Variants in PXDNL observed in about 807,000 individuals in gnomAD.
PXDNL encodes probable oxidoreductase PXDNL.
Under a neutral mutation model 150.8 loss-of-function variants are expected in PXDNL, and 145 were observed. The ratio of observed to expected loss-of-function variants is 0.96; its 90% CI spans 0.84 to 1.10. PXDNL has a LOEUF of 1.10. Ranked by LOEUF, PXDNL falls within the 50% of genes least tolerant of loss-of-function variation. PXDNL has a pLI of 0.00. For missense variants in PXDNL, 2,087 were observed against 1,873.9 expected, an observed-to-expected ratio of 1.11 and a Z score of -2.10; for synonymous variants, 757 against 725.7, an observed-to-expected ratio of 1.04 and a Z score of -0.69.
chr8:51,601,169 T>G (rs1813712891), intron 2 of PXDNL, among the ~76,000 whole-genome samples: 1 of 151,702 alleles, frequency 6.6e-6, no homozygotes, highest in Non-Finnish European at 1.5e-5. Flanking sequence ...GTATGCTCCA[T>G]GTGCAGGTGA....
intron 5 of PXDNL, among the ~76,000 whole-genome samples, chr8:51,484,840 A>T (rs569580434): frequency 1.3e-5 from 2 of 152,322 alleles, no homozygotes; most frequent in Admixed American, 1.3e-4. Context: ...TATGACCAAG[A>T]AAAGCACCAG....
intron 1 of PXDNL, among the ~76,000 whole-genome samples, chr8:51,692,106 C>T (rs941340070): frequency 6.6e-6 from 1 of 152,182 alleles, no homozygotes; most frequent in Non-Finnish European, 1.5e-5. Flanking sequence ...TTACCTAGGC[C>T]ACCCTGTAAA....
intron 5 of PXDNL, among the ~76,000 whole-genome samples, chr8:51,489,561 T>G (rs1419448649): frequency 1.3e-5 from 2 of 152,180 alleles, no homozygotes; most frequent in African/African-American, 4.8e-5. Flanking sequence ...CAAGCAATCC[T>G]CCCACTTCAG....
At chr8:51,567,709 T>A (rs2130581317) in intron 3 of PXDNL, among the ~76,000 whole-genome samples, 2 of 151,856 alleles carry the variant, frequency 1.3e-5, no homozygotes, top group South Asian at 4.1e-4. Context: ...AGTATAGTCA[T>A]CCTTCAGTAT....
intron 17 of PXDNL, among the ~76,000 whole-genome samples, chr8:51,381,945 T>TTTA (rs534458604): frequency 0.011 from 1,644 of 152,148 alleles, 34 homozygotes; most frequent in African/African-American, 0.037. Context: ...AGTGAATTTT[T>TTTA]TTATTATTAT....
At chr8:51,656,616 A>G (rs1815154619) in intron 1 of PXDNL, among the ~76,000 whole-genome samples, 1 of 152,224 alleles carries the variant, frequency 6.6e-6, no homozygotes, top group Non-Finnish European at 1.5e-5. Context: ...TACAACAAGG[A>G]AGCAAATATA....
intron 1 of PXDNL, among the ~76,000 whole-genome samples, chr8:51,740,866 A>G (rs1462567803): frequency 7.2e-5 from 11 of 152,104 alleles, no homozygotes; most frequent in Admixed American, 7.2e-4. Flanking sequence ...GTTTGCCAGT[A>G]TTTTACTGAA....
intron 2 of PXDNL, among the ~76,000 whole-genome samples, chr8:51,617,781 G>C (rs1287585915): frequency 6.6e-6 from 1 of 152,168 alleles, no homozygotes; most frequent in Admixed American, 6.5e-5. Flanking sequence ...ATGACATATT[G>C]GTTTAAGAGA....
In PXDNL at chr8:51,775,928, G is replaced by A. The variant is rs530897464; in HGVS notation, c.164+33253C>T. 4.7e-4 allele frequency among the ~76,000 whole-genome samples: 71 copies of A among 152,272 alleles called. 1 individual carries two copies. The highest frequency in any genetic ancestry group is 2.2e-3 in the Admixed American group (33 of 15,298). On this transcript the variant is annotated intron_variant, in intron 1 of 22. Coordinates refer to ENST00000356297, the MANE Select transcript of PXDNL (RefSeq NM_144651.5). ...TTCAAAAGCAAATAGGAGAAATATC[G>A]CTGAATTCTTTTTCTCAGCAAGGAA...
Position 51,745,758 on chromosome 8 carries a change from A to AC in PXDNL, c.164+63422_164+63423insG, listed in dbSNP as rs1554511910. On this transcript the variant is annotated intron_variant, in intron 1 of 22. Transcript: ENST00000356297. ...ATGAGAGGAATTCTCCACCACTACC[A>AC]TTTTTTTTTTTTTTTTTAGATGTAG... 1.0e-3 allele frequency among the ~76,000 whole-genome samples: 144 copies of AC among 139,196 alleles called. 1 individual carries two copies. The highest frequency in any genetic ancestry group is 7.4e-3 in the Middle Eastern group (2 of 270). 91.3% of individuals were successfully genotyped at this position (139,196 alleles called of 152,430 possible).
Position 51,409,168 on chromosome 8 carries a change from G to A in PXDNL, c.2456C>T (p.Pro819Leu). The change falls in exon 17 of 23, where the codon CCT becomes CTT. Residue 819 changes from proline (P) to leucine (L), a missense_variant. Transcript: ENST00000356297. ...FLEHDLDHTV[P>L]ALSTARFSDG... is the part of the protein sequence containing the mutation. ...CGAGAAGCGGGCTGTGCTCAGCGCA[G>A]GCACTGTGTGGTCCAAGTCGTGCTC... The A allele has an allele frequency of 6.3e-7, 1 of 1,599,540 alleles. No homozygotes were observed. The highest frequency in any genetic ancestry group is 8.5e-7 in the Non-Finnish European group (1 of 1,177,000).
intron 1 of PXDNL, among the ~76,000 whole-genome samples, chr8:51,749,536 G>T (rs4626584): frequency 0.81 from 122,726 of 151,698 alleles, 49,722 homozygotes; most frequent in East Asian, 0.88. Flanking sequence ...GATTAAAAAC[G>T]GTCCGCCTGC....
At chr8:51,377,641 G>A (rs546794068) in intron 17 of PXDNL, among the ~76,000 whole-genome samples, 5 of 152,242 alleles carry the variant, frequency 3.3e-5, no homozygotes, top group Admixed American at 6.5e-5. Context: ...GTCCCAGGCA[G>A]TGAGGGGCTT....
chr8:51,331,077 G>C (rs1317458053), intron 21 of PXDNL, among the ~76,000 whole-genome samples: 1 of 152,104 alleles, frequency 6.6e-6, no homozygotes, highest in African/African-American at 2.4e-5. Context: ...CAGCAATCCC[G>C]AGAGGATCCA....
intron 1 of PXDNL, among the ~76,000 whole-genome samples, chr8:51,744,119 A>AGG (rs1554511688): frequency 2.8e-5 from 1 of 35,988 alleles, no homozygotes; most frequent in African/African-American, 5.7e-5. Flanking sequence ...AGAAAGAAAG[A>AGG]AAGGAAGAAA....
At chr8:51,592,253 T>A (rs1022772763) in intron 3 of PXDNL, among the ~76,000 whole-genome samples, 1 of 152,210 alleles carries the variant, frequency 6.6e-6, no homozygotes, top group Non-Finnish European at 1.5e-5. Context: ...CTTGGATAGA[T>A]ACTCTGTTGG....
intron 17 of PXDNL, among the ~76,000 whole-genome samples, chr8:51,403,614 A>G (rs768995285): frequency 3.3e-5 from 5 of 152,020 alleles, no homozygotes; most frequent in Non-Finnish European, 7.4e-5. Flanking sequence ...GCCAGTCTTT[A>G]CCCTACTTCT....
intron 2 of PXDNL, among the ~76,000 whole-genome samples, chr8:51,603,848 A>G (rs1813780408): frequency 6.6e-6 from 1 of 152,140 alleles, no homozygotes; most frequent in Non-Finnish European, 1.5e-5. Flanking sequence ...GAAAATATTT[A>G]CCAGGCAACT....
chr8:51,326,784 G>C (rs1243096206), intron 21 of PXDNL, among the ~76,000 whole-genome samples: 1 of 151,946 alleles, frequency 6.6e-6, no homozygotes, highest in East Asian at 1.9e-4. Context: ...TTCCTGCTTG[G>C]GGTTGAGCTG....
Sources: gnomAD v4.1 joint callset for allele counts (sites outside exome capture counted in the v4.1 genomes callset) on GRCh38, gnomAD v4.1.1 for gene constraint, MANE v1.5 for transcripts, NCBI Gene and HGNC (gene_info 2026-07-23, HGNC 2026-07-21) for gene names.